The following VPS35L variants were observed in gnomAD, a reference collection of about 807,000 sequenced individuals.
The protein encoded by VPS35L is VPS35 endosomal protein-sorting factor-like.
A neutral mutation model predicts 133.0 loss-of-function variants in VPS35L; 83 were observed. That is an observed-to-expected ratio of 0.62 (90% CI 0.52 to 0.75). The LOEUF (loss-of-function observed/expected upper bound fraction) is 0.75. Ranked by LOEUF, VPS35L falls within the 30% of genes least tolerant of loss-of-function variation. The pLI is 0.00. For missense variants in VPS35L, 1,083 were observed against 1,206.8 expected (o/e 0.90, Z 1.52); for synonymous variants, 423 against 449.9 (o/e 0.94, Z 0.76).
chr16:19,599,556 G>A (rs1972318193), intron 8 of VPS35L, among the ~76,000 whole-genome samples: 1 of 142,908 alleles, frequency 7.0e-6, no homozygotes, highest in Non-Finnish European at 1.5e-5. Context: ...TTTTTTTAAA[G>A]ACAGTGTCTC....
At position 19,608,212 on chromosome 16, in the gene VPS35L, C is replaced by T; in HGVS notation, c.819C>T (p.Ala273=). ...HFSPENANDT[A]KETCLNWFFK... ...CTCCAGAGAATGCAAATGACACGGC[C>T]AAGGAAACATGCCTAAATTGGTTTT... is the stretch of plus-strand genomic sequence containing the variant. Residue 273 remains alanine (A), a synonymous_variant, in exon 10 of 31, where the codon GCC becomes GCT. Transcript: ENST00000417362. The T allele has an allele frequency of 6.2e-7, 1 of 1,613,228 alleles. No individual in the cohort carries two copies. The highest frequency in any genetic ancestry group is 1.1e-5 in the South Asian group (1 of 91,044).
At chr16:19,590,916 A>G (rs892930298) in intron 7 of VPS35L, among the ~76,000 whole-genome samples, 1 of 152,272 alleles carries the variant, frequency 6.6e-6, no homozygotes, top group Non-Finnish European at 1.5e-5. Flanking sequence ...GATTGCACCA[A>G]TGCACTCCAG....
intron 1 of VPS35L, among the ~76,000 whole-genome samples, chr16:19,558,713 G>T (rs1216930251): frequency 6.6e-6 from 1 of 151,920 alleles, no homozygotes; most frequent in East Asian, 1.9e-4. Flanking sequence ...TTGATGTCCG[G>T]AGTTCAAGAC....
rs374590874 is a variant in VPS35L at position 19,610,316 on chromosome 16, T to C, written c.930-6T>C. Reference sequence around the variant, plus strand: ...TATAATGCTGGCCTGTTTTTGTCTCTTGCAGGGGAATTTCAGAGTGCCTGC... The same window carrying C: ...TATAATGCTGGCCTGTTTTTGTCTCCTGCAGGGGAATTTCAGAGTGCCTGC... On this transcript the variant is annotated splice_polypyrimidine_tract_variant and splice_region_variant and intron_variant, in intron 11 of 30. Transcript: ENST00000417362. 1.0e-4 allele frequency: 169 copies of C among 1,613,656 alleles called. No individual in the cohort carries two copies. In the African/African-American group the frequency reaches 2.0e-3, roughly 19 times the overall value.
intron 25 of VPS35L, 99 bp downstream of exon 25, chr16:19,650,558 C>A: frequency 3.0e-6 from 3 of 991,110 alleles, no homozygotes; most frequent in Non-Finnish European, 4.8e-6. Flanking sequence ...ATGAGTATGT[C>A]ATGATAAGAA....
At chr16:19,590,151 C>G (rs1428518160) in intron 7 of VPS35L, among the ~76,000 whole-genome samples, 6 of 110,632 alleles carry the variant, frequency 5.4e-5, no homozygotes, top group African/African-American at 9.7e-5. Context: ...CCCCCCCCCC[C>G]CCCCCACAAA....
chr16:19,635,136 C>T (rs141229531), intron 19 of VPS35L, among the ~76,000 whole-genome samples: 2 of 151,988 alleles, frequency 1.3e-5, no homozygotes, highest in East Asian at 1.9e-4. Flanking sequence ...GCCAGGAGTT[C>T]GAGTCCAGTG....
rs931695083 is a variant in VPS35L at position 19,700,925 on chromosome 16, T to C, written c.*449T>C. 3 of 158,478 alleles carry C rather than the reference T, an allele frequency of 1.9e-5. No individual in the cohort carries two copies. The highest frequency in any genetic ancestry group is 7.2e-5 in the African/African-American group (3 of 41,564). The allele number at this position is 158,478 out of a possible 1,614,324, so 9.8% of individuals were successfully genotyped here. On this transcript the variant is annotated 3_prime_UTR_variant, in exon 31 of 31. Coordinates refer to ENST00000417362, the MANE Select transcript of VPS35L (RefSeq NM_020314.7). ...CCTTAAAGTTAGAGCACACCCAAAGTCTGGAACTGTGTTACCTGAACCCCT... is the reference window on the plus strand; with the variant it reads ...CCTTAAAGTTAGAGCACACCCAAAGCCTGGAACTGTGTTACCTGAACCCCT...
chr16:19,591,949 G>A, intron 8 of VPS35L, 75 bp downstream of exon 8: 1 of 1,164,478 alleles, frequency 8.6e-7, no homozygotes, highest in Non-Finnish European at 1.3e-6. Flanking sequence ...TAGAGTTACT[G>A]TAAATTAGGT....
rs910826881 is a variant in VPS35L, at chr16:19,697,756, T to G, written c.2647-1746T>G. Among the ~76,000 whole-genome samples the G allele has an allele frequency of 3.9e-5, 6 of 152,172 alleles. No individual in the cohort carries two copies. In the South Asian group the frequency reaches 1.0e-3, roughly 26 times the overall value. On this transcript the variant is annotated intron_variant, in intron 29 of 30. Transcript: ENST00000417362. ...CAACTGCATAGCCAAAGTTGGCTCA[T>G]GGCACTGGCAAGTCAGCCCTTTCTG...
At chr16:19,607,554 C>T (rs551371234) in intron 9 of VPS35L, among the ~76,000 whole-genome samples, 2 of 152,332 alleles carry the variant, frequency 1.3e-5, no homozygotes, top group African/African-American at 2.4e-5. Flanking sequence ...CTGGCAGTTT[C>T]ACAAGATGAC....
intron 1 of VPS35L, among the ~76,000 whole-genome samples, chr16:19,563,045 GT>G (rs1263733358): frequency 6.6e-6 from 1 of 151,986 alleles, no homozygotes; most frequent in East Asian, 1.9e-4. Context: ...GATTACAGGC[GT>G]GAGCCACCAT....
At chr16:19,576,185 A>C (rs1442168291) in intron 5 of VPS35L, among the ~76,000 whole-genome samples, 34 of 107,256 alleles carry the variant, frequency 3.2e-4, no homozygotes, top group Admixed American at 3.0e-3. Context: ...AAAAAACAAA[A>C]AAAAAAAACA....
intron 8 of VPS35L, among the ~76,000 whole-genome samples, chr16:19,595,761 C>T (rs1408557438): frequency 6.6e-6 from 1 of 152,168 alleles, no homozygotes; most frequent in Non-Finnish European, 1.5e-5. Context: ...CTTGTTGCGT[C>T]CCAGAAAACA....
At chr16:19,601,381 G>C (rs974526810) in intron 8 of VPS35L, among the ~76,000 whole-genome samples, 1 of 152,174 alleles carries the variant, frequency 6.6e-6, no homozygotes, top group Non-Finnish European at 1.5e-5. Flanking sequence ...CATGGAGTGT[G>C]GACCATCGTC....
chr16:19,658,631 A>G (rs1974381881), intron 26 of VPS35L, among the ~76,000 whole-genome samples: 1 of 152,198 alleles, frequency 6.6e-6, no homozygotes, highest in Non-Finnish European at 1.5e-5. Flanking sequence ...CACTATGGAC[A>G]TAAAATGTGC....
rs540879244 is a variant in VPS35L, at chr16:19,626,799, C to T, written c.1271+576C>T. On this transcript the variant is annotated intron_variant, in intron 15 of 30. Coordinates refer to ENST00000417362, the MANE Select transcript of VPS35L (RefSeq NM_020314.7). ...AAAAAAGTAATAATAATAGTTATTT[C>T]CCCATGGGGCTGTGGTAGGTGGTTG... 2.0e-5 allele frequency among the ~76,000 whole-genome samples: 3 copies of T among 152,104 alleles called. No homozygotes were observed. The East Asian group carries it at 5.8e-4, about 29-fold the overall frequency.
chr16:19,686,426 T>C lies in VPS35L; in HGVS notation c.2527+4036T>C, dbSNP rs12922746. Among the ~76,000 whole-genome samples the C allele has an allele frequency of 5.8e-3, 883 of 152,314 alleles. 4 individuals are homozygous for C. Among genetic ancestry groups the C allele is most frequent in the Middle Eastern group, 0.017 (5 of 294 alleles). On this transcript the variant is annotated intron_variant, in intron 28 of 30. Transcript: ENST00000417362. ...GCATGTTTGATGTAGAAGTGAAGAA[T>C]AGTCTTGGATCCTCAATGTTTATGT...
chr16:19,560,322 G>A (rs1441768393), intron 1 of VPS35L, among the ~76,000 whole-genome samples: 1 of 152,194 alleles, frequency 6.6e-6, no homozygotes, highest in Non-Finnish European at 1.5e-5. Flanking sequence ...ACAGTCATTT[G>A]ATTGTTGCAT....
Sources: gnomAD v4.1 joint callset for allele counts (sites outside exome capture counted in the v4.1 genomes callset) on GRCh38, gnomAD v4.1.1 for gene constraint, MANE v1.5 for transcripts, NCBI Gene and HGNC (gene_info 2026-07-23, HGNC 2026-07-21) for gene names.